Variants in LMTK2 observed in about 807,000 individuals in gnomAD.
LMTK2 encodes lemur tail kinase 2.
In LMTK2, 37 loss-of-function variants were observed where a neutral mutation model predicts 127.5. That is an observed-to-expected ratio of 0.29 (90% CI 0.22 to 0.38). The LOEUF (loss-of-function observed/expected upper bound fraction) is 0.38. LMTK2 is among the 10% of genes least tolerant of loss of function. The pLI is 1.00. For synonymous variants in LMTK2, 819 were observed against 810.1 expected, an observed-to-expected ratio of 1.01 and a Z score of -0.19; for missense variants, 1,694 against 1,920.3, an observed-to-expected ratio of 0.88 and a Z score of 2.20.
intron 1 of LMTK2, among the ~76,000 whole-genome samples, chr7:98,122,983 C>G (rs963849619): frequency 6.6e-6 from 1 of 151,618 alleles, no homozygotes; most frequent in African/African-American, 2.4e-5. Flanking sequence ...TTTTCCTTCC[C>G]CCTTGATCTA....
chr7:98,175,306 A>C (rs1302263532), intron 7 of LMTK2, among the ~76,000 whole-genome samples: 5 of 152,188 alleles, frequency 3.3e-5, no homozygotes, highest in Admixed American at 2.0e-4. Flanking sequence ...TAGCAAGATG[A>C]TGTATATGGT....
chr7:98,147,038 G>A (rs185376730), intron 3 of LMTK2, among the ~76,000 whole-genome samples: 1 of 152,276 alleles, frequency 6.6e-6, no homozygotes, highest in African/African-American at 2.4e-5. Context: ...ACAGGTATTT[G>A]CTTTCAGCAC....
intron 3 of LMTK2, among the ~76,000 whole-genome samples, chr7:98,144,194 G>T (rs1283358115): frequency 6.6e-6 from 1 of 152,068 alleles, no homozygotes; most frequent in African/African-American, 2.4e-5. Flanking sequence ...ACTTCGGGAG[G>T]CCGAGGCAGG....
chr7:98,126,880 A>T (rs1796452608), intron 1 of LMTK2: 1 of 152,178 alleles, frequency 6.6e-6, no homozygotes, highest in Non-Finnish European at 1.5e-5. Context: ...TAGCACACAG[A>T]GCGATCTGTT....
intron 1 of LMTK2, among the ~76,000 whole-genome samples, chr7:98,133,257 G>A (rs192364804): frequency 4.6e-5 from 7 of 152,126 alleles, no homozygotes; most frequent in Non-Finnish European, 8.8e-5. Context: ...TGACTGGCTC[G>A]ACGTATGCCC....
intron 3 of LMTK2, among the ~76,000 whole-genome samples, chr7:98,144,588 A>G (rs1383580771): frequency 6.6e-6 from 1 of 152,052 alleles, no homozygotes; most frequent in Non-Finnish European, 1.5e-5. Context: ...TGATGCAGGT[A>G]TCTCCCCTCA....
chr7:98,135,578 T>C (rs1320456010), intron 1 of LMTK2, among the ~76,000 whole-genome samples: 2 of 152,054 alleles, frequency 1.3e-5, no homozygotes. Context: ...CACCTTGGCC[T>C]CCCAAAGTGC....
At chr7:98,153,200 G>A (rs949368347) in intron 4 of LMTK2, among the ~76,000 whole-genome samples, 4 of 152,130 alleles carry the variant, frequency 2.6e-5, no homozygotes, top group Non-Finnish European at 2.9e-5. Context: ...ATGTAAATCC[G>A]AGTGATCTCG....
At chr7:98,134,221 A>G (rs867703106) in intron 1 of LMTK2, among the ~76,000 whole-genome samples, 1 of 152,242 alleles carries the variant, frequency 6.6e-6, no homozygotes, top group East Asian at 1.9e-4. Flanking sequence ...GCCAAATGAA[A>G]TAATGCTGTA....
At chr7:98,183,016 T>C (rs568121463) in intron 7 of LMTK2, among the ~76,000 whole-genome samples, 1 of 152,292 alleles carries the variant, frequency 6.6e-6, no homozygotes, top group Non-Finnish European at 1.5e-5. Flanking sequence ...TTACGACTTT[T>C]TGTAGCAATA....
chr7:98,183,084 G>A (rs1797378827), intron 7 of LMTK2, among the ~76,000 whole-genome samples: 1 of 152,178 alleles, frequency 6.6e-6, no homozygotes, highest in African/African-American at 2.4e-5. Flanking sequence ...AGCAGGCCCT[G>A]TAAGAAATTG....
rs184715893 is a variant in LMTK2, at chr7:98,193,484, G to A, written c.3019G>A (p.Glu1007Lys). Residue 1007 changes from glutamate to lysine, a missense_variant, in exon 11 of 14, where the codon GAA (glutamate) becomes AAA (lysine). This residue lies in a region of LMTK2 where 65 missense variants were observed against 116.5 expected (regional missense o/e 0.56). Coordinates refer to ENST00000297293, the MANE Select transcript of LMTK2 (RefSeq NM_014916.4). The surrounding 1 kb of genome is among the most constrained non-coding windows in gnomAD (Gnocchi z 4.1). ...CTCTCTGGAGTCAGTGGATGTCCAC[G>A]AAGCGCTACTGGACTCTTTAGGATC... ...PDSLESVDVH[E>K]ALLDSLGSHT... is the part of the protein sequence containing the mutation. The A allele has an allele frequency of 9.9e-6, 16 of 1,614,130 alleles. No individual in the cohort carries two copies. The highest frequency in any genetic ancestry group is 1.6e-4 in the Middle Eastern group (1 of 6,062).
intron 1 of LMTK2, among the ~76,000 whole-genome samples, chr7:98,133,221 G>A (rs1432078292): frequency 6.6e-6 from 1 of 152,188 alleles, no homozygotes; most frequent in African/African-American, 2.4e-5. Flanking sequence ...GTATGGTGAT[G>A]CCTGTTCTTG....
At chr7:98,132,658 C>T (rs1489426774) in intron 1 of LMTK2, among the ~76,000 whole-genome samples, 1 of 152,132 alleles carries the variant, frequency 6.6e-6, no homozygotes, top group Non-Finnish European at 1.5e-5. Context: ...GAGGAAATTT[C>T]TCTTTATAAA....
At chr7:98,188,787 C>A (rs1584290585) in intron 9 of LMTK2, among the ~76,000 whole-genome samples, 1 of 152,230 alleles carries the variant, frequency 6.6e-6, no homozygotes, top group East Asian at 1.9e-4. Flanking sequence ...TCTGAAATGA[C>A]CTTTTGGGGT....
chr7:98,121,545 A>T (rs1796361110), intron 1 of LMTK2, among the ~76,000 whole-genome samples: 1 of 151,892 alleles, frequency 6.6e-6, no homozygotes, highest in Non-Finnish European at 1.5e-5. Context: ...AGGCAGAGGA[A>T]TCGCTTGAAC....
intron 1 of LMTK2, among the ~76,000 whole-genome samples, chr7:98,122,557 C>G (rs1356918835): frequency 1.7e-4 from 26 of 152,272 alleles, no homozygotes. Context: ...ACCCATGCCT[C>G]TCATCCCACC....
Position 98,196,495 on chromosome 7 carries a change from T to G in LMTK2, c.4107+1923T>G, listed in dbSNP as rs1034512335. Among the ~76,000 whole-genome samples, 4 of 152,240 alleles carry G rather than the reference T, an allele frequency of 2.6e-5. No homozygotes were observed. The East Asian group carries it at 7.7e-4, about 29-fold the overall frequency. On this transcript the variant is annotated intron_variant, in intron 11 of 13. Transcript: ENST00000297293. ...CTGCATTTCTCCATGGATGGGGTAA[T>G]GTATAGGTGGGACGGAACTGTCAAC... is the stretch of plus-strand genomic sequence containing the variant.
Position 98,107,188 on chromosome 7 carries a change from C to G in LMTK2, c.11C>G (p.Pro4Arg), listed in dbSNP as rs920870521. MPG[P>R]PALRRRLLLL... is the part of the protein sequence containing the mutation. ...CGCGCCGTGGGCGAGATGCCGGGGC[C>G]GCCGGCGTTGCGGCGGAGGCTGCTG... Residue 4 changes from proline to arginine, a missense_variant, in exon 1 of 14, where the codon CCG becomes CGG. Coordinates refer to ENST00000297293, the MANE Select transcript of LMTK2 (RefSeq NM_014916.4). 4.1e-6 allele frequency: 6 copies of G among 1,450,370 alleles called. No homozygotes were observed. Among genetic ancestry groups the G allele is most frequent in the Non-Finnish European group, 4.5e-6 (5 of 1,109,564 alleles). 89.8% of individuals were successfully genotyped at this position (1,450,370 alleles called of 1,614,324 possible). A position where few individuals can be genotyped will look rare whatever the true frequency, so the allele number is the denominator to read the frequency against.
Sources: gnomAD v4.1 joint callset for allele counts (sites outside exome capture counted in the v4.1 genomes callset) on GRCh38, gnomAD v4.1.1 for gene constraint, gnomAD v4.1.1 regional missense constraint, Gnocchi (gnomAD v3.1) non-coding constraint, MANE v1.5 for transcripts, NCBI Gene and HGNC (gene_info 2026-07-23, HGNC 2026-07-21) for gene names.